Variants in RNF214 observed in about 807,000 individuals in gnomAD.
The protein encoded by RNF214 is ring finger protein 214.
In RNF214, 25 loss-of-function variants were observed where a neutral mutation model predicts 75.9. The observed-to-expected ratio is 0.33, with a 90% CI of 0.24 to 0.46. RNF214 has a LOEUF of 0.46. Ranked by LOEUF, RNF214 falls within the 20% of genes least tolerant of loss-of-function variation. The pLI is 1.00. For synonymous variants in RNF214, 314 were observed against 308.8 expected (o/e 1.02, Z -0.18); for missense variants, 725 against 857.5 (o/e 0.85, Z 1.93).
intron 7 of RNF214, 57 bp from the exon 8 acceptor site, chr11:117,280,114 A>AGGT: frequency 6.7e-7 from 1 of 1,502,180 alleles, no homozygotes; most frequent in Non-Finnish European, 9.2e-7. Context: ...CACTACCTAG[A>AGGT]GGTACCTTTG....
chr11:117,257,332 T>A (rs889041206), intron 6 of RNF214, among the ~76,000 whole-genome samples: 2 of 152,070 alleles, frequency 1.3e-5, no homozygotes, highest in Non-Finnish European at 2.9e-5. Context: ...TGAGATCCTG[T>A]CTCAAAAAAA....
intron 6 of RNF214, among the ~76,000 whole-genome samples, chr11:117,279,322 A>C (rs1591841756): frequency 7.1e-6 from 1 of 140,346 alleles, no homozygotes; most frequent in African/African-American, 2.7e-5. Context: ...GGAGATACAA[A>C]CTTTTTTTTT....
At chr11:117,280,858 G>A (rs1002409702) in intron 8 of RNF214, among the ~76,000 whole-genome samples, 3 of 152,004 alleles carry the variant, frequency 2.0e-5, no homozygotes, top group Admixed American at 6.6e-5. Flanking sequence ...AAAAGATACT[G>A]GAGTTAAAGT....
Position 117,282,551 on chromosome 11 carries a change from T to C in RNF214, c.1845+15T>C. 6.2e-7 allele frequency: 1 copy of C among 1,613,088 alleles called. No homozygotes were observed. Among genetic ancestry groups the C allele is most frequent in the Non-Finnish European group, 8.5e-7 (1 of 1,179,556 alleles). On this transcript the variant is annotated intron_variant, in intron 12 of 14. Coordinates refer to ENST00000300650, the MANE Select transcript of RNF214 (RefSeq NM_207343.4). ...CAAGTACTCAGGTGAGAAAAGCCACTTGGGAGAGAACTTAGGCATGTTGAG... is the reference window on the plus strand; with the variant it reads ...CAAGTACTCAGGTGAGAAAAGCCACCTGGGAGAGAACTTAGGCATGTTGAG...
At chr11:117,283,280 A>G in intron 14 of RNF214, 70 bp downstream of exon 14, 1 of 1,053,762 alleles carries the variant, frequency 9.5e-7, no homozygotes, top group Non-Finnish European at 1.4e-6. Flanking sequence ...TTTCTTTCTC[A>G]TTTTCTACTC....
chr11:117,264,282 C>T (rs1308904548), intron 6 of RNF214, among the ~76,000 whole-genome samples: 2 of 152,134 alleles, frequency 1.3e-5, no homozygotes, highest in African/African-American at 2.4e-5. Context: ...GAGATCGCAC[C>T]ACTGCACTCC....
At chr11:117,251,854 T>C (rs893736614) in intron 6 of RNF214, among the ~76,000 whole-genome samples, 1 of 152,164 alleles carries the variant, frequency 6.6e-6, no homozygotes, top group South Asian at 2.1e-4. Flanking sequence ...AATTTGCATT[T>C]TATTTTTATT....
At chr11:117,258,896 C>A (rs1427218782) in intron 6 of RNF214, among the ~76,000 whole-genome samples, 1 of 152,178 alleles carries the variant, frequency 6.6e-6, no homozygotes, top group Non-Finnish European at 1.5e-5. Flanking sequence ...AGAATTATTT[C>A]TTTCGGCAGA....
intron 6 of RNF214, among the ~76,000 whole-genome samples, chr11:117,264,735 T>G (rs560945311): frequency 6.6e-6 from 1 of 152,232 alleles, no homozygotes; most frequent in African/African-American, 2.4e-5. Context: ...TCCTTTCCCC[T>G]TCAGCCTTTC....
chr11:117,280,062 A>T, intron 7 of RNF214, 58 bp downstream of exon 7: 1 of 1,522,668 alleles, frequency 6.6e-7, no homozygotes. Context: ...GATGGTATCT[A>T]CTTTTGGCAT....
At chr11:117,244,391 A>G in intron 4 of RNF214, 54 bp from the exon 5 acceptor site, 1 of 1,506,078 alleles carries the variant, frequency 6.6e-7, no homozygotes, top group Non-Finnish European at 9.2e-7. Context: ...GCACTGGTGA[A>G]TGTTTCTTGT....
intron 4 of RNF214, among the ~76,000 whole-genome samples, chr11:117,240,278 G>A (rs760006448): frequency 6.6e-6 from 1 of 151,096 alleles, no homozygotes; most frequent in Non-Finnish European, 1.5e-5. Flanking sequence ...ACAGGTGGGA[G>A]GATCACCTGT....
chr11:117,273,161 GA>G (rs1414203287), intron 6 of RNF214, among the ~76,000 whole-genome samples: 1 of 151,984 alleles, frequency 6.6e-6, no homozygotes, highest in Non-Finnish European at 1.5e-5. Context: ...TGTTTTGGTT[GA>G]AATATATAAA....
intron 6 of RNF214, among the ~76,000 whole-genome samples, chr11:117,276,473 A>G (rs758662677): frequency 2.2e-4 from 34 of 152,134 alleles, no homozygotes; most frequent in Non-Finnish European, 3.4e-4. Context: ...GCTGGGCATG[A>G]TGATACATGC....
chr11:117,233,136 C>G (rs1305809523), intron 1 of RNF214, among the ~76,000 whole-genome samples: 1 of 152,204 alleles, frequency 6.6e-6, no homozygotes, highest in Non-Finnish European at 1.5e-5. Context: ...ACACTCGACC[C>G]TCCAGCCAGC....
chr11:117,240,673 G>A (rs1456967656), intron 4 of RNF214, among the ~76,000 whole-genome samples: 1 of 152,026 alleles, frequency 6.6e-6, no homozygotes, highest in African/African-American at 2.4e-5. Context: ...GGACAACAGA[G>A]AAGCTCCATC....
At chr11:117,283,020 G>T in intron 13 of RNF214, 95 bp from the exon 14 acceptor site, 1 of 1,052,628 alleles carries the variant, frequency 9.5e-7, no homozygotes, top group Non-Finnish European at 1.4e-6. Flanking sequence ...TGTTTCTTTT[G>T]ATATAAATCT....
intron 6 of RNF214, among the ~76,000 whole-genome samples, chr11:117,257,760 C>G (rs1362776279): frequency 6.6e-6 from 1 of 152,034 alleles, no homozygotes; most frequent in Non-Finnish European, 1.5e-5. Context: ...TATGCATTTT[C>G]CAAAGGAAGA....
At chr11:117,260,961 T>C (rs1254467360) in intron 6 of RNF214, among the ~76,000 whole-genome samples, 3 of 151,066 alleles carry the variant, frequency 2.0e-5, no homozygotes, top group African/African-American at 7.3e-5. Context: ...GCCAAGATTT[T>C]CTACATAAAC....
Sources: allele counts gnomAD v4.1 joint callset (sites outside exome capture counted in the v4.1 genomes callset), GRCh38; gene constraint gnomAD v4.1.1; transcripts MANE v1.5; gene names NCBI Gene and HGNC (gene_info 2026-07-23, HGNC 2026-07-21).